The following OR51I2 variants were observed in gnomAD, a reference collection of about 807,000 sequenced individuals.
The protein encoded by OR51I2 is olfactory receptor family 51 subfamily I member 2, also known as olfactory receptor 51I2.
Under a neutral mutation model 9.3 loss-of-function variants are expected in OR51I2, and 6 were observed. That is an observed-to-expected ratio of 0.64 (90% CI 0.35 to 1.27). The LOEUF (loss-of-function observed/expected upper bound fraction) is 1.27, where lower values mean the gene tolerates loss of function less well. OR51I2 is among the 50% of genes most tolerant of loss of function. The pLI is 0.03. For missense variants in OR51I2, 489 were observed against 396.4 expected (o/e 1.23, Z -1.98); for synonymous variants, 179 against 143.1 (o/e 1.25, Z -1.79).
intron 1 of OR51I2, among the ~76,000 whole-genome samples, chr11:5,451,990 A>G (rs546356127): frequency 1.3e-5 from 2 of 152,348 alleles, no homozygotes; most frequent in East Asian, 3.9e-4. Context: ...GAATGCCAGC[A>G]TAAGAAAAAT....
Position 5,456,420 on chromosome 11 carries a change from T to C in OR51I2, c.*1993T>C. 6.6e-6 allele frequency: 1 copy of C among 152,196 alleles called. No homozygotes were observed. Among genetic ancestry groups the C allele is most frequent in the East Asian group, 1.9e-4 (1 of 5,196 alleles). 9.4% of individuals were successfully genotyped at this position (152,196 alleles called of 1,614,324 possible). ...AGGGCCACTCCTGCAGCTCTAATCC[T>C]AAAAAGGTCTAAGCTAAGCCCTGTT... On this transcript the variant is annotated 3_prime_UTR_variant, in exon 2 of 2. Coordinates refer to ENST00000641930, the MANE Select transcript of OR51I2 (RefSeq NM_001004754.3).
intron 1 of OR51I2, among the ~76,000 whole-genome samples, chr11:5,450,401 GAATT>G (rs201113534): frequency 0.023 from 3,498 of 151,974 alleles, 60 homozygotes; most frequent in Non-Finnish European, 0.036. Context: ...ATAAATAAAT[GAATT>G]AATTAATTAA....
chr11:5,453,467 AG>A lies in OR51I2; in HGVS notation c.-21del, dbSNP rs1434755766. On this transcript the variant is annotated 5_prime_UTR_variant, in exon 2 of 2. Coordinates refer to ENST00000641930, the MANE Select transcript of OR51I2 (RefSeq NM_001004754.3). ...CAAGTCAGAAGATCTGACTCTGAAAAGTACCCTAAGTTTGTTTTGCTATGGG... is the reference window on the plus strand; with the variant it reads ...CAAGTCAGAAGATCTGACTCTGAAAATACCCTAAGTTTGTTTTGCTATGGG... 7 of 1,490,296 alleles carry A rather than the reference AG, an allele frequency of 4.7e-6. No homozygotes were observed. The African/African-American group carries it at 9.8e-5, about 21-fold the overall frequency. 92.3% of individuals were successfully genotyped at this position (1,490,296 alleles called of 1,614,324 possible).
Position 5,453,835 on chromosome 11 carries a change from T to G in OR51I2, c.347T>G (p.Leu116Arg). 1 of 1,614,258 alleles carries G rather than the reference T, an allele frequency of 6.2e-7. No homozygotes were observed. Among genetic ancestry groups the G allele is most frequent in the South Asian group, 1.1e-5 (1 of 91,086 alleles). ...FFSMMESGIL[L>R]AMSFDRYVAI... ...TCCATGATGGAATCAGGTATTCTGC[T>G]GGCCATGAGTTTTGACCGCTATGTG... Residue 116 changes from leucine (L) to arginine (R), a missense_variant, in exon 2 of 2, where the codon CTG (leucine) becomes CGG (arginine). Physicochemically the swap from Leu to Arg is moderately radical, Grantham distance 102. Transcript: ENST00000641930.
intron 1 of OR51I2, among the ~76,000 whole-genome samples, 154 bp from the exon 2 acceptor site, chr11:5,453,105 C>T (rs1238367954): frequency 6.6e-6 from 1 of 152,202 alleles, no homozygotes; most frequent in African/African-American, 2.4e-5. Flanking sequence ...TCCTGACTTT[C>T]TTCTCTTGTG....
At position 5,453,637 on chromosome 11, in the gene OR51I2, GA is replaced by G; in HGVS notation, c.150del (p.Val51TrpfsTer48). On this transcript the variant is annotated frameshift_variant, in exon 2 of 2. Coordinates refer to ENST00000641930, the MANE Select transcript of OR51I2 (RefSeq NM_001004754.3). LOFTEE classifies it low-confidence loss of function (END_TRUNC). ...GGNTVILQAV[R>X]VEPSLHEPMY... is the part of the protein sequence containing the mutation. ...AATACAGTGATCCTGCAGGCTGTGC[GA>G]GTGGAGCCCAGCCTCCATGAGCCCA... 1 of 1,613,694 alleles carries G rather than the reference GA, an allele frequency of 6.2e-7. No individual in the cohort carries two copies.
In OR51I2 at chr11:5,453,644, G is replaced by A. The variant is rs1850893033; in HGVS notation, c.156G>A (p.Glu52=). Residue 52 remains glutamate (E), a synonymous_variant, in exon 2 of 2, where the codon GAG becomes GAA. Transcript: ENST00000641930. ...NTVILQAVRV[E]PSLHEPMYYF... is the part of the protein sequence containing the mutation. ...TGATCCTGCAGGCTGTGCGAGTGGA[G>A]CCCAGCCTCCATGAGCCCATGTACT... 1 of 1,613,588 alleles carries A rather than the reference G, an allele frequency of 6.2e-7. No homozygotes were observed. Among genetic ancestry groups the A allele is most frequent in the African/African-American group, 1.3e-5 (1 of 74,914 alleles).
intron 1 of OR51I2, among the ~76,000 whole-genome samples, chr11:5,452,596 T>C (rs1850873655): frequency 6.9e-6 from 1 of 144,162 alleles, no homozygotes; most frequent in South Asian, 2.2e-4. Flanking sequence ...CTTTACGAGA[T>C]ATGGAGATAT....
At position 5,455,638 on chromosome 11, in the gene OR51I2, G is replaced by A. The variant is rs1850945542; in HGVS notation, c.*1211G>A. On this transcript the variant is annotated 3_prime_UTR_variant, in exon 2 of 2. Coordinates refer to ENST00000641930, the MANE Select transcript of OR51I2 (RefSeq NM_001004754.3). ...AAGAGAGAAAGAGAGAGAGAGAGAT[G>A]CACTAGGTAGTCTAACTTAACTCAC... The A allele has an allele frequency of 6.8e-6, 1 of 146,630 alleles. No homozygotes were observed. The highest frequency in any genetic ancestry group is 2.7e-5 in the African/African-American group (1 of 37,290). 9.1% of individuals were successfully genotyped at this position (146,630 alleles called of 1,614,324 possible).
chr11:5,456,475 C>T lies in OR51I2; in HGVS notation c.*2048C>T, dbSNP rs1247908037. The T allele has an allele frequency of 1.3e-5, 2 of 152,062 alleles. No homozygotes were observed. The highest frequency in any genetic ancestry group is 2.9e-5 in the Non-Finnish European group (2 of 68,006). The allele number at this position is 152,062 out of a possible 1,614,324, so 9.4% of individuals were successfully genotyped here. ...TTTTTTTGACCTTGGGTTAAAAACT[C>T]TTTAACTTCTTTTTATTTAACATAA... is the stretch of plus-strand genomic sequence containing the variant. On this transcript the variant is annotated 3_prime_UTR_variant, in exon 2 of 2. Coordinates refer to ENST00000641930, the MANE Select transcript of OR51I2 (RefSeq NM_001004754.3).
chr11:5,451,486 G>C (rs1238567112), intron 1 of OR51I2, among the ~76,000 whole-genome samples: 1 of 152,214 alleles, frequency 6.6e-6, no homozygotes, highest in African/African-American at 2.4e-5. Flanking sequence ...TTCTTGAAGA[G>C]ACACAAGCAT....
In OR51I2 at chr11:5,454,338, C is replaced by T. The variant is rs746837240; in HGVS notation, c.850C>T (p.Pro284Ser). The change falls in exon 2 of 2, where the codon CCT (proline) becomes TCT (serine). Residue 284 changes from proline (P) to serine (S), a missense_variant. Physicochemically the swap from Pro to Ser is moderately conservative, Grantham distance 74. Transcript: ENST00000641930. ...CATGTCAAATGTGTACCTATTTGTGCCTCCTGTGCTCAACCCTCTCATTTA... is the reference window on the plus strand; with the variant it reads ...CATGTCAAATGTGTACCTATTTGTGTCTCCTGTGCTCAACCCTCTCATTTA... ...VLMSNVYLFV[P>S]PVLNPLIYSA... 2.5e-6 allele frequency: 4 copies of T among 1,614,104 alleles called. No homozygotes were observed. In the South Asian group the frequency reaches 3.3e-5, roughly 13 times the overall value.
chr11:5,453,340 T>C lies in OR51I2; in HGVS notation c.-149T>C, dbSNP rs1043054927. 2.0e-6 allele frequency: 1 copy of C among 499,982 alleles called. No individual in the cohort carries two copies. The highest frequency in any genetic ancestry group is 3.4e-6 in the Non-Finnish European group (1 of 292,480). The allele number at this position is 499,982 out of a possible 1,614,324, so 31.0% of individuals were successfully genotyped here. A position where few individuals can be genotyped will look rare whatever the true frequency, so the allele number is the denominator to read the frequency against. On this transcript the variant is annotated 5_prime_UTR_variant, in exon 2 of 2. The change abolishes the stop of an existing upstream ORF in the 5' untranslated region. Transcript: ENST00000641930. ...TTTGCCTGCATCATCTCAAAAGCAGTGATTTCATGAATGCGTCAGTTTCCA... is the reference window on the plus strand; with the variant it reads ...TTTGCCTGCATCATCTCAAAAGCAGCGATTTCATGAATGCGTCAGTTTCCA...
Position 5,454,272 on chromosome 11 carries a change from C to G in OR51I2, c.784C>G (p.His262Asp). The G allele has an allele frequency of 6.2e-7, 1 of 1,614,200 alleles. No individual in the cohort carries two copies. Residue 262 changes from histidine (H) to aspartate (D), a missense_variant, in exon 2 of 2, where the codon CAC becomes GAC. Coordinates refer to ENST00000641930, the MANE Select transcript of OR51I2 (RefSeq NM_001004754.3). ...GCCAATGATTGGGGTCTCCACAGTG[C>G]ACCGCTTTGGGAAGCATGTCCCATG... Reference protein sequence around the residue: ...YVPMIGVSTVHRFGKHVPCYI... With the variant: ...YVPMIGVSTVDRFGKHVPCYI...
chr11:5,452,568 T>C (rs1850872653), intron 1 of OR51I2, among the ~76,000 whole-genome samples: 1 of 141,706 alleles, frequency 7.1e-6, no homozygotes, highest in African/African-American at 2.6e-5. Context: ...TTTGAATATA[T>C]TTGCACAACA....
Position 5,454,313 on chromosome 11 carries a change from C to T in OR51I2, c.825C>T (p.Leu275=), listed in dbSNP as rs370553102. 9.5e-5 allele frequency: 153 copies of T among 1,614,172 alleles called. No individual in the cohort carries two copies. The highest frequency in any genetic ancestry group is 3.0e-4 in the Admixed American group (18 of 60,020). ...GKHVPCYIHV[L]MSNVYLFVPP... is the part of the protein sequence containing the mutation. Reference sequence around the variant, plus strand: ...ATGTCCCATGCTACATACATGTCCTCATGTCAAATGTGTACCTATTTGTGC... The same window carrying T: ...ATGTCCCATGCTACATACATGTCCTTATGTCAAATGTGTACCTATTTGTGC... Residue 275 remains leucine (L), a synonymous_variant, in exon 2 of 2, where the codon CTC becomes CTT. Coordinates refer to ENST00000641930, the MANE Select transcript of OR51I2 (RefSeq NM_001004754.3).
rs1475609487 is a variant in OR51I2, at chr11:5,454,571, A to C, written c.*144A>C. ...ATGGTGATGCAAAACTTATAACACA[A>C]AACAAGGAGTTCCAAATGAATAGTA... On this transcript the variant is annotated 3_prime_UTR_variant, in exon 2 of 2. Coordinates refer to ENST00000641930, the MANE Select transcript of OR51I2 (RefSeq NM_001004754.3). The C allele has an allele frequency of 1.9e-5, 12 of 641,016 alleles. No homozygotes were observed. Among genetic ancestry groups the C allele is most frequent in the Non-Finnish European group, 2.9e-5 (11 of 373,552 alleles). 39.7% of individuals were successfully genotyped at this position (641,016 alleles called of 1,614,324 possible).
At chr11:5,452,106 T>A (rs1312551698) in intron 1 of OR51I2, among the ~76,000 whole-genome samples, 1 of 152,178 alleles carries the variant, frequency 6.6e-6, no homozygotes, top group Non-Finnish European at 1.5e-5. Flanking sequence ...GTTGTGTGAG[T>A]ATACAAATCT....
At position 5,454,893 on chromosome 11, in the gene OR51I2, C is replaced by G. The variant is rs140336631; in HGVS notation, c.*466C>G. 6.5e-6 allele frequency: 1 copy of G among 154,094 alleles called. No homozygotes were observed. The highest frequency in any genetic ancestry group is 1.4e-5 in the Non-Finnish European group (1 of 69,306). 9.5% of individuals were successfully genotyped at this position (154,094 alleles called of 1,614,324 possible). A position where few individuals can be genotyped will look rare whatever the true frequency, so the allele number is the denominator to read the frequency against. ...GGTCCAGTTGACATTCAACACTAAT[C>G]TCTCTCTAGTGTCAGTGCAGCACCC... On this transcript the variant is annotated 3_prime_UTR_variant, in exon 2 of 2. Coordinates refer to ENST00000641930, the MANE Select transcript of OR51I2 (RefSeq NM_001004754.3).
Sources: allele counts gnomAD v4.1 joint callset (sites outside exome capture counted in the v4.1 genomes callset), GRCh38; gene constraint gnomAD v4.1.1; transcripts MANE v1.5; gene names NCBI Gene and HGNC (gene_info 2026-07-23, HGNC 2026-07-21).